Variants in SLC25A26 observed in about 807,000 individuals in gnomAD.
SLC25A26 encodes mitochondrial S-adenosylmethionine carrier protein.
A neutral mutation model predicts 37.8 loss-of-function variants in SLC25A26; 36 were observed. The observed-to-expected ratio is 0.95, with a 90% CI of 0.73 to 1.26. The LOEUF (loss-of-function observed/expected upper bound fraction) is 1.26. Ranked by LOEUF, SLC25A26 falls within the 50% of genes most tolerant of loss-of-function variation. The pLI is 0.00. For synonymous variants in SLC25A26, 129 were observed against 122.5 expected, an observed-to-expected ratio of 1.05 and a Z score of -0.35; for missense variants, 390 against 331.1, an observed-to-expected ratio of 1.18 and a Z score of -1.38.
chr3:66,253,536 T>C (rs1283821749), intron 3 of SLC25A26, among the ~76,000 whole-genome samples: 2 of 151,654 alleles, frequency 1.3e-5, no homozygotes, highest in African/African-American at 4.9e-5. Context: ...GGTCCAAAGA[T>C]AGAGCGAGGG....
chr3:66,358,156 A>G (rs1384930439), intron 6 of SLC25A26, among the ~76,000 whole-genome samples: 1 of 152,216 alleles, frequency 6.6e-6, no homozygotes, highest in Non-Finnish European at 1.5e-5. Context: ...TTCCAGCTAG[A>G]GTATTTTGTT....
intron 2 of SLC25A26, among the ~76,000 whole-genome samples, chr3:66,241,744 C>G (rs1415039778): frequency 2.0e-5 from 3 of 152,178 alleles, no homozygotes; most frequent in Admixed American, 6.5e-5. Flanking sequence ...AAGTACAGAA[C>G]TTCACTGTAG....
rs2075801953 is a variant in SLC25A26 at position 66,325,067 on chromosome 3, T to G, written c.454-21297T>G. Among the ~76,000 whole-genome samples the G allele has an allele frequency of 2.6e-5, 4 of 152,156 alleles. No homozygotes were observed. In the South Asian group the frequency reaches 8.3e-4, roughly 32 times the overall value. ...CCTTCTGAGAGAAATTCAGATTGGA[T>G]TTTTCTTTATGTTGGAGGATTGACA... On this transcript the variant is annotated intron_variant, in intron 5 of 9. Transcript: ENST00000354883.
rs139782982 is a variant in SLC25A26, at chr3:66,263,714, A to C, written c.453+335A>C. 3.0e-3 allele frequency among the ~76,000 whole-genome samples: 455 copies of C among 152,186 alleles called. 3 individuals carry two copies. The highest frequency in any genetic ancestry group is 0.016 in the East Asian group (81 of 5,124). On this transcript the variant is annotated intron_variant, in intron 5 of 9. Transcript: ENST00000354883. Reference sequence around the variant, plus strand: ...CGCTCTGTCACCCAGGCTGGCGTGCAGTGGCGCGATCTCGGCTCACTGCAA... The same window carrying C: ...CGCTCTGTCACCCAGGCTGGCGTGCCGTGGCGCGATCTCGGCTCACTGCAA...
chr3:66,189,911 C>T (rs1397025523), intron 1 of SLC25A26, among the ~76,000 whole-genome samples: 1 of 152,144 alleles, frequency 6.6e-6, no homozygotes, highest in African/African-American at 2.4e-5. Flanking sequence ...GTGATCCTCT[C>T]ACCTCAGCTT....
At chr3:66,287,131 C>T (rs931494205) in intron 5 of SLC25A26, among the ~76,000 whole-genome samples, 3 of 152,034 alleles carry the variant, frequency 2.0e-5, no homozygotes, top group African/African-American at 7.2e-5. Flanking sequence ...CCCATCTCTA[C>T]TAAAAATACA....
At chr3:66,162,222 T>C (rs981583904) in intron 1 of SLC25A26, among the ~76,000 whole-genome samples, 1 of 152,124 alleles carries the variant, frequency 6.6e-6, no homozygotes, top group South Asian at 2.1e-4. Context: ...ATGAGTCACA[T>C]GGGATTAGGG....
At chr3:66,335,799 C>T (rs1351559967) in intron 5 of SLC25A26, among the ~76,000 whole-genome samples, 4 of 152,150 alleles carry the variant, frequency 2.6e-5, no homozygotes, top group Non-Finnish European at 5.9e-5. Flanking sequence ...TTGGTCCATG[C>T]TGCATTACTA....
At chr3:66,221,241 G>A in intron 1 of SLC25A26, 114 bp downstream of exon 1, 1 of 1,162,542 alleles carries the variant, frequency 8.6e-7, no homozygotes, top group Non-Finnish European at 1.2e-6. Flanking sequence ...CTGTCCTCGG[G>A]TTACTGGCAG....
intron 1 of SLC25A26, among the ~76,000 whole-genome samples, chr3:66,139,193 C>T (rs917372294): frequency 6.6e-6 from 1 of 152,084 alleles, no homozygotes; most frequent in African/African-American, 2.4e-5. Flanking sequence ...CTGTGCCACC[C>T]CGCCCACCTC....
intron 5 of SLC25A26, among the ~76,000 whole-genome samples, chr3:66,297,653 C>T (rs745557243): frequency 5.9e-5 from 9 of 152,132 alleles, no homozygotes; most frequent in Non-Finnish European, 1.0e-4. Context: ...AGATCACAGC[C>T]TGTTTTTGTA....
intron 5 of SLC25A26, among the ~76,000 whole-genome samples, chr3:66,297,702 A>C (rs1277651555): frequency 6.6e-6 from 1 of 152,136 alleles, no homozygotes; most frequent in East Asian, 1.9e-4. Flanking sequence ...TCTTTCATTT[A>C]TGTATTGTCT....
intron 1 of SLC25A26, among the ~76,000 whole-genome samples, chr3:66,151,372 C>T (rs935308686): frequency 3.9e-5 from 6 of 152,268 alleles, no homozygotes; most frequent in African/African-American, 1.4e-4. Context: ...GAACAAAAGG[C>T]ATTGGGAGCC....
intron 1 of SLC25A26, among the ~76,000 whole-genome samples, chr3:66,176,637 C>T (rs1463911462): frequency 2.0e-5 from 3 of 152,178 alleles, no homozygotes; most frequent in Non-Finnish European, 4.4e-5. Context: ...TTTAGCAAGT[C>T]TCAGACTTTT....
At chr3:66,179,767 A>C (rs1162263681) in intron 1 of SLC25A26, among the ~76,000 whole-genome samples, 3 of 152,026 alleles carry the variant, frequency 2.0e-5, no homozygotes, top group Admixed American at 6.6e-5. Context: ...ACATTTGCAA[A>C]CTAAATCCAG....
intron 2 of SLC25A26, among the ~76,000 whole-genome samples, chr3:66,238,129 G>T (rs1296360217): frequency 6.6e-6 from 1 of 152,088 alleles, no homozygotes; most frequent in Non-Finnish European, 1.5e-5. Context: ...GAGGGGCATG[G>T]GTTCCCCAAT....
intron 2 of SLC25A26, among the ~76,000 whole-genome samples, chr3:66,240,977 G>C (rs529350558): frequency 6.6e-6 from 1 of 151,762 alleles, no homozygotes; most frequent in Non-Finnish European, 1.5e-5. Context: ...TCGATCTCCT[G>C]ACCTCGTGAT....
chr3:66,368,192 G>T (rs2076866985), intron 7 of SLC25A26, among the ~76,000 whole-genome samples: 1 of 152,192 alleles, frequency 6.6e-6, no homozygotes, highest in African/African-American at 2.4e-5. Flanking sequence ...TATTTCTGGA[G>T]TATCCTTCAC....
chr3:66,274,568 A>C (rs1389428131), intron 5 of SLC25A26, among the ~76,000 whole-genome samples: 1 of 152,296 alleles, frequency 6.6e-6, no homozygotes, highest in Non-Finnish European at 1.5e-5. Flanking sequence ...AAAACAAACA[A>C]CCCCATCAAA....
Sources: gnomAD v4.1 joint callset for allele counts (sites outside exome capture counted in the v4.1 genomes callset) on GRCh38, gnomAD v4.1.1 for gene constraint, MANE v1.5 for transcripts, NCBI Gene and HGNC (gene_info 2026-07-23, HGNC 2026-07-21) for gene names.